CORO2B: variants seen among roughly 807,000 people sequenced by gnomAD.
CORO2B encodes coronin 2B, also known as coronin-2B.
A neutral mutation model predicts 58.8 loss-of-function variants in CORO2B; 26 were observed. That is an observed-to-expected ratio of 0.44 (90% CI 0.32 to 0.61). The LOEUF (loss-of-function observed/expected upper bound fraction) is 0.61. Among genes scored for constraint, CORO2B ranks in the 20% least tolerant of loss-of-function variants. CORO2B has a pLI of 0.04. For missense variants in CORO2B, 460 were observed against 645.1 expected, an observed-to-expected ratio of 0.71 and a Z score of 3.11; for synonymous variants, 242 against 253.8, an observed-to-expected ratio of 0.95 and a Z score of 0.44.
At chr15:68,695,454 G>A (rs1892488476) in intron 3 of CORO2B, among the ~76,000 whole-genome samples, 198 bp downstream of exon 3, 2 of 152,246 alleles carry the variant, frequency 1.3e-5, no homozygotes, top group Admixed American at 6.5e-5. Flanking sequence ...CTGGATTCCA[G>A]AGATCTGTGT....
intron 2 of CORO2B, among the ~76,000 whole-genome samples, chr15:68,649,479 A>C (rs2140276545): frequency 6.6e-6 from 1 of 152,338 alleles, no homozygotes; most frequent in Admixed American, 6.5e-5. Context: ...GAAGAGCCAC[A>C]CAAAGGGACA....
At chr15:68,617,464 G>A (rs1282878937) in intron 1 of CORO2B, among the ~76,000 whole-genome samples, 6 of 152,222 alleles carry the variant, frequency 3.9e-5, no homozygotes, top group Non-Finnish European at 2.9e-5. Flanking sequence ...CCTTGAGCAG[G>A]TCACTTGCCC....
chr15:68,529,939 A>G, the CORO2B span, among the ~76,000 whole-genome samples: 1 of 152,198 alleles, frequency 6.6e-6, no homozygotes, highest in African/African-American at 2.4e-5. Context: ...TTTAATTTCC[A>G]TACATTCTAG....
rs568618464 is a variant in CORO2B at position 68,608,760 on chromosome 15, A to G, written c.15+29483A>G. Among the ~76,000 whole-genome samples, 1,015 of 152,248 alleles carry G rather than the reference A, an allele frequency of 6.7e-3. 16 individuals are homozygous for G. The highest frequency in any genetic ancestry group is 0.023 in the African/African-American group (962 of 41,542). The stretch of plus-strand genomic sequence containing the variant: ...ACCCCTCCCCTGCCCAGACTCCCGA[A>G]TGCCCTTTCTCAGGCTTCCCACAGC... On this transcript the variant is annotated intron_variant, in intron 1 of 11. Transcript: ENST00000261861.
intron 1 of CORO2B, among the ~76,000 whole-genome samples, chr15:68,640,185 C>A (rs937023766): frequency 2.0e-5 from 3 of 152,206 alleles, no homozygotes; most frequent in South Asian, 2.1e-4. Context: ...CCTGGCCTGG[C>A]CTTCCAGCCT....
chr15:68,611,128 C>G (rs1900238874), intron 1 of CORO2B, among the ~76,000 whole-genome samples: 3 of 152,212 alleles, frequency 2.0e-5, no homozygotes, highest in Admixed American at 1.3e-4. Context: ...AACCAGTTCT[C>G]TATATGTACA....
the CORO2B span, among the ~76,000 whole-genome samples, chr15:68,550,724 C>T: frequency 1.3e-5 from 2 of 152,208 alleles, no homozygotes; most frequent in Admixed American, 6.5e-5. Context: ...AGGCGCTCTG[C>T]GGGAAGGTTT....
the CORO2B span, among the ~76,000 whole-genome samples, chr15:68,523,850 C>CT: frequency 4.5e-3 from 683 of 152,148 alleles, 7 homozygotes; most frequent in African/African-American, 0.015. Flanking sequence ...AAAGAACTTC[C>CT]TTTTTTTTCT....
At chr15:68,608,310 TTGG>T (rs1227127945) in intron 1 of CORO2B, among the ~76,000 whole-genome samples, 1 of 152,180 alleles carries the variant, frequency 6.6e-6, no homozygotes, top group Non-Finnish European at 1.5e-5. Flanking sequence ...GACCCGAACA[TTGG>T]TGGTTACAGT....
intron 1 of CORO2B, among the ~76,000 whole-genome samples, chr15:68,618,525 G>A: frequency 6.6e-6 from 1 of 152,222 alleles, no homozygotes; most frequent in East Asian, 1.9e-4. Flanking sequence ...AGGCTGGGAG[G>A]CGTGAGTGCG....
chr15:68,677,341 G>A (rs1902621469), intron 2 of CORO2B, among the ~76,000 whole-genome samples: 1 of 152,196 alleles, frequency 6.6e-6, no homozygotes, highest in Non-Finnish European at 1.5e-5. Context: ...CCCGCACAAA[G>A]CCCCATTGTA....
intron 6 of CORO2B, 121 bp downstream of exon 6, chr15:68,714,162 G>T: frequency 1.5e-6 from 1 of 671,450 alleles, no homozygotes. Context: ...ATTCCCAGTG[G>T]AGAAATCAGA....
intron 3 of CORO2B, among the ~76,000 whole-genome samples, chr15:68,701,998 T>G (rs1892663570): frequency 1.3e-5 from 2 of 152,110 alleles, no homozygotes; most frequent in East Asian, 1.9e-4. Context: ...ATCCCAACAC[T>G]TTGGGAGGCT....
In CORO2B at chr15:68,656,563, C is replaced by T. The variant is rs74565910; in HGVS notation, c.216+11203C>T. Among the ~76,000 whole-genome samples the T allele has an allele frequency of 9.3e-3, 1,413 of 152,236 alleles. 18 individuals carry two copies. The highest frequency in any genetic ancestry group is 0.032 in the African/African-American group (1,342 of 41,538). ...AGATGATTGATCCTGGCAGCAAATG[C>T]TTCAGAACCATCCCATTTCCCACTC... On this transcript the variant is annotated intron_variant, in intron 2 of 11. Transcript: ENST00000261861.
the CORO2B span, among the ~76,000 whole-genome samples, chr15:68,544,580 G>T: frequency 1.3e-5 from 2 of 152,284 alleles, no homozygotes; most frequent in South Asian, 2.1e-4. Flanking sequence ...CCACCAGGAG[G>T]CAGGTTGGTC....
intron 3 of CORO2B, among the ~76,000 whole-genome samples, chr15:68,699,311 C>T (rs536203845): frequency 2.0e-5 from 3 of 152,030 alleles, no homozygotes; most frequent in Non-Finnish European, 2.9e-5. Context: ...TGGACCCCAC[C>T]GAGTGTGGTG....
intron 2 of CORO2B, among the ~76,000 whole-genome samples, chr15:68,651,161 T>C (rs1476666042): frequency 6.6e-6 from 1 of 152,178 alleles, no homozygotes; most frequent in Non-Finnish European, 1.5e-5. Flanking sequence ...ACCCCGAGTC[T>C]GGGGACTATG....
At chr15:68,702,346 C>T (rs1227942402) in intron 3 of CORO2B, among the ~76,000 whole-genome samples, 4 of 152,150 alleles carry the variant, frequency 2.6e-5, no homozygotes, top group Non-Finnish European at 4.4e-5. Flanking sequence ...AGCGCCACAA[C>T]GACCACTTCA....
At chr15:68,689,306 G>A (rs928570816) in intron 2 of CORO2B, among the ~76,000 whole-genome samples, 4 of 151,686 alleles carry the variant, frequency 2.6e-5, no homozygotes, top group Non-Finnish European at 5.9e-5. Context: ...TAACCAGATG[G>A]CAGGTTAGAG....
Sources: gnomAD v4.1 joint callset for allele counts (sites outside exome capture counted in the v4.1 genomes callset) on GRCh38, gnomAD v4.1.1 for gene constraint, MANE v1.5 for transcripts, NCBI Gene and HGNC (gene_info 2026-07-23, HGNC 2026-07-21) for gene names.